GALNT16: variants seen among roughly 807,000 people sequenced by gnomAD.
The protein encoded by GALNT16 is UDP-GalNAc:polypeptide N-acetylgalactosaminyltransferase-like protein 1.
Under a neutral mutation model 76.1 loss-of-function variants are expected in GALNT16, and 40 were observed. That is an observed-to-expected ratio of 0.53 (90% CI 0.41 to 0.68). The LOEUF (loss-of-function observed/expected upper bound fraction) is 0.68. GALNT16 is among the 30% of genes least tolerant of loss of function. The pLI, the probability that GALNT16 is intolerant of heterozygous loss-of-function variation, is 0.00. For missense variants in GALNT16, 621 were observed against 731.9 expected (o/e 0.85, Z 1.75); for synonymous variants, 276 against 285.2 (o/e 0.97, Z 0.32).
In GALNT16 at chr14:69,347,223, G is replaced by A. The variant is rs199742607; in HGVS notation, c.1413+42G>A. 23 of 1,549,534 alleles carry A rather than the reference G, an allele frequency of 1.5e-5. 1 individual carries two copies. The highest frequency in any genetic ancestry group is 1.2e-4 in the African/African-American group (9 of 73,818). On this transcript the variant is annotated intron_variant, in intron 13 of 14. Coordinates refer to ENST00000448469, the MANE Select transcript of GALNT16 (RefSeq NM_001168368.2). ...GGAATGGGAGTGGGAGAGAGCTGGA[G>A]GCATTGTCCAGGAGTGGGGTGAGGG...
intron 1 of GALNT16, among the ~76,000 whole-genome samples, chr14:69,303,663 A>G (rs984294909): frequency 6.6e-6 from 1 of 152,190 alleles, no homozygotes; most frequent in Non-Finnish European, 1.5e-5. Context: ...TTCCCATCCT[A>G]ACAAATCACA....
chr14:69,332,567 G>A (rs2045364132), intron 7 of GALNT16: 1 of 156,806 alleles, frequency 6.4e-6, no homozygotes, highest in Non-Finnish European at 1.4e-5. Flanking sequence ...TTTGGGATCT[G>A]GACTCCCAGT....
chr14:69,338,523 C>T lies in GALNT16; in HGVS notation c.968-128C>T, dbSNP rs1232739429. ...AAGGAGTGGGAGCACTCCATTTGAGCAGGCCCAGGAGCCCCGACCCCAACA... is the reference window on the plus strand; with the variant it reads ...AAGGAGTGGGAGCACTCCATTTGAGTAGGCCCAGGAGCCCCGACCCCAACA... On this transcript the variant is annotated intron_variant, in intron 9 of 14. Coordinates refer to ENST00000448469, the MANE Select transcript of GALNT16 (RefSeq NM_001168368.2). 4 of 1,299,024 alleles carry T rather than the reference C, an allele frequency of 3.1e-6. No individual in the cohort carries two copies. The Admixed American group carries it at 6.5e-5, about 21-fold the overall frequency. 80.5% of individuals were successfully genotyped at this position (1,299,024 alleles called of 1,614,324 possible).
At chr14:69,304,105 C>T (rs2044896869) in intron 1 of GALNT16, among the ~76,000 whole-genome samples, 1 of 152,262 alleles carries the variant, frequency 6.6e-6, no homozygotes, top group South Asian at 2.1e-4. Context: ...AATGATGACA[C>T]TTTAAAATTG....
intron 1 of GALNT16, among the ~76,000 whole-genome samples, chr14:69,300,534 G>A (rs534453231): frequency 1.3e-5 from 2 of 152,324 alleles, no homozygotes; most frequent in South Asian, 4.1e-4. Flanking sequence ...CTGGGGTGAT[G>A]TTTGAAGCCT....
intron 1 of GALNT16, among the ~76,000 whole-genome samples, chr14:69,316,840 C>T (rs1262973640): frequency 6.6e-6 from 1 of 151,866 alleles, no homozygotes; most frequent in East Asian, 1.9e-4. Context: ...TGTTTTCTCT[C>T]CATTTGATTA....
intron 1 of GALNT16, among the ~76,000 whole-genome samples, chr14:69,269,332 G>A (rs949619022): frequency 6.6e-6 from 1 of 151,048 alleles, no homozygotes; most frequent in Admixed American, 6.6e-5. Flanking sequence ...TGTATGTTGT[G>A]TTGTATGGGT....
intron 1 of GALNT16, among the ~76,000 whole-genome samples, chr14:69,312,465 G>A (rs555512187): frequency 1.3e-5 from 2 of 152,220 alleles, no homozygotes; most frequent in African/African-American, 4.8e-5. Flanking sequence ...AGTTCATCCT[G>A]CTCATGTCCT....
intron 1 of GALNT16, among the ~76,000 whole-genome samples, chr14:69,309,001 T>A (rs2140148472): frequency 6.6e-6 from 1 of 152,396 alleles, no homozygotes; most frequent in South Asian, 2.1e-4. Flanking sequence ...TTGTTTTCTG[T>A]AATTTTTTAT....
At chr14:69,378,678 C>T in the GALNT16 span, among the ~76,000 whole-genome samples, 1 of 152,180 alleles carries the variant, frequency 6.6e-6, no homozygotes, top group African/African-American at 2.4e-5. Flanking sequence ...ATCTAGAACC[C>T]AGATACTTTC....
rs148763214 is a variant in GALNT16 at position 69,331,679 on chromosome 14, C to T, written c.778+128C>T. 2.0e-4 allele frequency: 136 copies of T among 681,926 alleles called. No individual in the cohort carries two copies. In the African/African-American group the frequency reaches 2.0e-3, roughly 10 times the overall value. 42.2% of individuals were successfully genotyped at this position (681,926 alleles called of 1,614,324 possible). On this transcript the variant is annotated intron_variant, in intron 7 of 14. Transcript: ENST00000448469. ...ACCCTCATGAACACCCCTTCCACCACCTCCAAAGAGAAAATGAAGAGGGAT... is the reference window on the plus strand; with the variant it reads ...ACCCTCATGAACACCCCTTCCACCATCTCCAAAGAGAAAATGAAGAGGGAT...
At chr14:69,317,838 A>T (rs2045123645) in intron 1 of GALNT16, among the ~76,000 whole-genome samples, 1 of 152,214 alleles carries the variant, frequency 6.6e-6, no homozygotes, top group African/African-American at 2.4e-5. Context: ...ATGGGGCTAA[A>T]GGCAAAAGGA....
chr14:69,301,801 C>A (rs150843279), intron 1 of GALNT16, among the ~76,000 whole-genome samples: 150 of 152,220 alleles, frequency 9.9e-4, no homozygotes, highest in African/African-American at 3.5e-3. Flanking sequence ...CCAGCCTGGG[C>A]AACATGGTGA....
chr14:69,328,386 G>T, intron 5 of GALNT16, 64 bp from the exon 6 acceptor site: 1 of 1,556,064 alleles, frequency 6.4e-7, no homozygotes, highest in Non-Finnish European at 8.8e-7. Flanking sequence ...TTGGGACTTT[G>T]GGGGACAGGT....
intron 1 of GALNT16, among the ~76,000 whole-genome samples, chr14:69,296,788 TAGAC>T (rs76642724): frequency 0.048 from 6,831 of 142,036 alleles, 397 homozygotes; most frequent in East Asian, 0.32. Context: ...ATGATAGAGA[TAGAC>T]AGACAGATAG....
At chr14:69,293,249 G>A (rs368639092) in intron 1 of GALNT16, among the ~76,000 whole-genome samples, 4 of 152,224 alleles carry the variant, frequency 2.6e-5, no homozygotes, top group African/African-American at 9.6e-5. Context: ...CTGCTGCAAA[G>A]AAACCCAGAT....
At chr14:69,385,997 C>G in the GALNT16 span, among the ~76,000 whole-genome samples, 1 of 152,244 alleles carries the variant, frequency 6.6e-6, no homozygotes, top group African/African-American at 2.4e-5. Context: ...TTCAGGACTT[C>G]TACACTAGCT....
At chr14:69,266,622 G>T (rs547068107) in intron 1 of GALNT16, among the ~76,000 whole-genome samples, 15 of 152,308 alleles carry the variant, frequency 9.8e-5, no homozygotes, top group Non-Finnish European at 1.3e-4. Flanking sequence ...CATTCTCACA[G>T]AACCATCCAA....
intron 6 of GALNT16, among the ~76,000 whole-genome samples, chr14:69,330,003 C>A (rs1011240930): frequency 6.6e-6 from 1 of 152,148 alleles, no homozygotes; most frequent in Non-Finnish European, 1.5e-5. Flanking sequence ...TAAAGTAGGG[C>A]AGCCACTTTG....
Sources: allele counts gnomAD v4.1 joint callset (sites outside exome capture counted in the v4.1 genomes callset), GRCh38; gene constraint gnomAD v4.1.1; transcripts MANE v1.5; gene names NCBI Gene and HGNC (gene_info 2026-07-23, HGNC 2026-07-21).